SLC36A4: variants seen among roughly 807,000 people sequenced by gnomAD.
The protein encoded by SLC36A4 is neutral amino acid uniporter 4.
A neutral mutation model predicts 50.5 loss-of-function variants in SLC36A4; 49 were observed. The ratio of observed to expected loss-of-function variants is 0.97; its 90% CI spans 0.77 to 1.23. The LOEUF (loss-of-function observed/expected upper bound fraction) is 1.23, where lower values mean the gene tolerates loss of function less well. Ranked by LOEUF, SLC36A4 falls within the 50% of genes most tolerant of loss-of-function variation. The probability of loss-of-function intolerance (pLI) is 0.00; values close to 1 mark genes in which losing one functional copy is unlikely to be tolerated. For synonymous variants in SLC36A4, 207 were observed against 206.5 expected (o/e 1.00, Z -0.02); for missense variants, 611 against 608.4 (o/e 1.00, Z -0.05).
At chr11:93,177,816 G>C (rs1861554230) in intron 6 of SLC36A4, among the ~76,000 whole-genome samples, 1 of 152,150 alleles carries the variant, frequency 6.6e-6, no homozygotes, top group Non-Finnish European at 1.5e-5. Flanking sequence ...GCTACTCCGG[G>C]GTCAGGGACC....
chr11:93,157,080 G>C (rs1400121163), intron 9 of SLC36A4, among the ~76,000 whole-genome samples: 1 of 152,148 alleles, frequency 6.6e-6, no homozygotes, highest in African/African-American at 2.4e-5. Context: ...GGTTATCCTA[G>C]CACCATTTAT....
At position 93,153,282 on chromosome 11, in the gene SLC36A4, C is replaced by T. The variant is rs181211084; in HGVS notation, c.1207+826G>A. On this transcript the variant is annotated intron_variant, in intron 10 of 10. Coordinates refer to ENST00000326402, the MANE Select transcript of SLC36A4 (RefSeq NM_152313.4). ...GTCCCTGGTATCATTTTAGGCAATCCCAGTTTAGTTTGGTGATGTAATCAT... is the reference window on the plus strand; with the variant it reads ...GTCCCTGGTATCATTTTAGGCAATCTCAGTTTAGTTTGGTGATGTAATCAT... Among the ~76,000 whole-genome samples the T allele has an allele frequency of 9.9e-5, 15 of 152,050 alleles. No individual in the cohort carries two copies. In the East Asian group the frequency reaches 2.7e-3, roughly 27 times the overall value.
At chr11:93,157,465 C>T (rs1168451812) in intron 9 of SLC36A4, among the ~76,000 whole-genome samples, 6 of 152,142 alleles carry the variant, frequency 3.9e-5, no homozygotes, top group African/African-American at 9.7e-5. Flanking sequence ...ATTGATTCTT[C>T]CTATCCATGA....
At chr11:93,193,779 T>C (rs1244028169) in intron 1 of SLC36A4, among the ~76,000 whole-genome samples, 1 of 152,202 alleles carries the variant, frequency 6.6e-6, no homozygotes, top group Non-Finnish European at 1.5e-5. Context: ...AAAATCACAT[T>C]AATTTAGCAA....
Position 93,181,773 on chromosome 11 carries a change from T to C in SLC36A4, c.373A>G (p.Thr125Ala), listed in dbSNP as rs146582654. 4.5e-6 allele frequency: 7 copies of C among 1,557,212 alleles called. No homozygotes were observed. Among genetic ancestry groups the C allele is most frequent in the East Asian group, 2.3e-5 (1 of 43,654 alleles). The change falls in exon 5 of 11, where the codon ACA (threonine) becomes GCA (alanine). Residue 125 changes from threonine to alanine, a missense_variant. Thr to Ala is a moderately conservative substitution (Grantham distance 58). Transcript: ENST00000326402. The stretch of plus-strand genomic sequence containing the variant: ...CTCACAGTGTCACTATAACCTAATG[T>C]TGACTTTTTAAACCTGTAATTTAAT... ...HFLCLRFKKS[T>A]LGYSDTVSFA...
intron 6 of SLC36A4, chr11:93,171,689 G>A (rs1287151678): frequency 2.6e-5 from 4 of 151,950 alleles, no homozygotes; most frequent in Non-Finnish European, 2.9e-5. Context: ...CATGTTACAC[G>A]ACCCTAGAAA....
chr11:93,178,929 T>G (rs1861614466), intron 6 of SLC36A4, among the ~76,000 whole-genome samples: 1 of 152,172 alleles, frequency 6.6e-6, no homozygotes. Flanking sequence ...GATGATATGT[T>G]TACCTTCAAA....
chr11:93,172,015 C>T (rs1400335527), intron 6 of SLC36A4: 1 of 152,110 alleles, frequency 6.6e-6, no homozygotes, highest in Non-Finnish European at 1.5e-5. Flanking sequence ...TCTGTAGTCA[C>T]AGCACATATG....
chr11:93,158,218 T>TTA (rs1230006102), intron 9 of SLC36A4, among the ~76,000 whole-genome samples: 2 of 152,164 alleles, frequency 1.3e-5, no homozygotes, highest in East Asian at 3.9e-4. Context: ...AGACACGTGT[T>TTA]TCCTATACTC....
chr11:93,150,656 C>T (rs888503182), intron 10 of SLC36A4, among the ~76,000 whole-genome samples: 1 of 151,980 alleles, frequency 6.6e-6, no homozygotes, highest in Non-Finnish European at 1.5e-5. Flanking sequence ...AGTAGAAATA[C>T]TTTATAAAGT....
chr11:93,190,735 C>T (rs1169812363), intron 1 of SLC36A4, among the ~76,000 whole-genome samples: 1 of 152,128 alleles, frequency 6.6e-6, no homozygotes, highest in African/African-American at 2.4e-5. Context: ...CGCTTAAATA[C>T]ATTTTTCTTT....
intron 10 of SLC36A4, among the ~76,000 whole-genome samples, chr11:93,153,784 A>C (rs1293483692): frequency 6.6e-6 from 1 of 152,130 alleles, no homozygotes; most frequent in Admixed American, 6.6e-5. Context: ...AAACCTGAGA[A>C]AAACTAGAAC....
chr11:93,152,642 C>T (rs1777054537), intron 10 of SLC36A4: 1 of 152,090 alleles, frequency 6.6e-6, no homozygotes, highest in African/African-American at 2.4e-5. Context: ...GTGGTCTGTG[C>T]CTCAGCTGAT....
chr11:93,160,217 C>A (rs1860557714), intron 9 of SLC36A4: 1 of 985,308 alleles, frequency 1.0e-6, no homozygotes, highest in Admixed American at 6.2e-5. Context: ...AGAGTCCACA[C>A]AGAAACAGAC....
Position 93,181,727 on chromosome 11 carries a change from G to C in SLC36A4, c.419C>G (p.Pro140Arg). 6.5e-7 allele frequency: 1 copy of C among 1,541,928 alleles called. No homozygotes were observed. Among genetic ancestry groups the C allele is most frequent in the Non-Finnish European group, 8.8e-7 (1 of 1,137,688 alleles). Reference protein sequence around the residue: ...DTVSFAMEVSPWSCLQKQAAW... With the variant: ...DTVSFAMEVSRWSCLQKQAAW... ...TGCTTGCTTCTGAAGACAACTCCAAGGACTCACTTCCATAGCAAAGCTCAC... is the reference window on the plus strand; with the variant it reads ...TGCTTGCTTCTGAAGACAACTCCAACGACTCACTTCCATAGCAAAGCTCAC... Residue 140 changes from proline (P) to arginine (R), a missense_variant, in exon 5 of 11, where the codon CCT becomes CGT. Pro to Arg is a moderately radical substitution (Grantham distance 103). Coordinates refer to ENST00000326402, the MANE Select transcript of SLC36A4 (RefSeq NM_152313.4).
intron 6 of SLC36A4, among the ~76,000 whole-genome samples, chr11:93,175,331 T>G (rs1861406947): frequency 6.6e-6 from 1 of 150,632 alleles, no homozygotes; most frequent in Admixed American, 7.0e-5. Flanking sequence ...ATTTGATTCT[T>G]CTCTCTTTTT....
chr11:93,153,858 A>G (rs1860220290), intron 10 of SLC36A4: 1 of 205,114 alleles, frequency 4.9e-6, no homozygotes. Flanking sequence ...ATCACCAGTA[A>G]TGTAATTTTC....
chr11:93,175,354 C>T (rs1861408823), intron 6 of SLC36A4, among the ~76,000 whole-genome samples: 2 of 150,220 alleles, frequency 1.3e-5, no homozygotes, highest in African/African-American at 4.9e-5. Context: ...CTTTATTAGT[C>T]TTGCTAGCGG....
chr11:93,152,669 A>G (rs1860151967), intron 10 of SLC36A4: 1 of 152,082 alleles, frequency 6.6e-6, no homozygotes, highest in South Asian at 2.1e-4. Context: ...CTTCAATACA[A>G]CAATGCCAGC....
Sources: allele counts gnomAD v4.1 joint callset (sites outside exome capture counted in the v4.1 genomes callset), GRCh38; gene constraint gnomAD v4.1.1; transcripts MANE v1.5; gene names NCBI Gene and HGNC (gene_info 2026-07-23, HGNC 2026-07-21).